Variants in SHC2 observed in about 807,000 individuals in gnomAD.
The protein encoded by SHC2 is SHC adaptor protein 2.
Under a neutral mutation model 60.6 loss-of-function variants are expected in SHC2, and 62 were observed. The observed-to-expected ratio is 1.02, with a 90% CI of 0.83 to 1.26. The LOEUF is 1.26. Ranked by LOEUF, SHC2 falls within the 50% of genes most tolerant of loss-of-function variation. SHC2 has a pLI of 0.00. For synonymous variants in SHC2, 375 were observed against 372.4 expected, an observed-to-expected ratio of 1.01 and a Z score of -0.08; for missense variants, 873 against 822.2, an observed-to-expected ratio of 1.06 and a Z score of -0.76.
Position 460,559 on chromosome 19 carries a change from G to T in SHC2, c.438C>A (p.Val146=). Residue 146 remains valine (V), a synonymous_variant, in exon 1 of 13, where the codon GTC becomes GTA. Transcript: ENST00000264554. ...CGACGTAGGAGACCCCGGGCCCCAG[G>T]ACCCTGGCGTCGGGGTGTAGCCAGC... ...AHGWLHPDAR[V]LGPGVSYVVR... 7.1e-7 allele frequency: 1 copy of T among 1,417,296 alleles called. No homozygotes were observed. Among genetic ancestry groups the T allele is most frequent in the Non-Finnish European group, 9.3e-7 (1 of 1,080,246 alleles). 87.8% of individuals were successfully genotyped at this position (1,417,296 alleles called of 1,614,324 possible).
intron 1 of SHC2, among the ~76,000 whole-genome samples, chr19:442,905 G>T (rs1974930756): frequency 6.8e-6 from 1 of 147,444 alleles, no homozygotes. Flanking sequence ...ATGAATGGAT[G>T]GATGGACGGG....
intron 1 of SHC2, among the ~76,000 whole-genome samples, chr19:459,047 TCTC>T (rs1261606069): frequency 4.6e-5 from 7 of 152,224 alleles, no homozygotes; most frequent in Admixed American, 4.6e-4. Flanking sequence ...TAAAGTTCCT[TCTC>T]CTTACAGAGA....
chr19:430,655 G>A lies in SHC2; in HGVS notation c.1174+29C>T, dbSNP rs780297335. 3.7e-6 allele frequency: 6 copies of A among 1,603,098 alleles called. No homozygotes were observed. The East Asian group carries it at 6.7e-5, about 18-fold the overall frequency. On this transcript the variant is annotated intron_variant, in intron 9 of 12. Coordinates refer to ENST00000264554, the MANE Select transcript of SHC2 (RefSeq NM_012435.3). ...CTGAGGAGCCCCAGAATCCTCGTGG[G>A]TACCCCTTGCAGCCCCAGCCCATCC...
chr19:457,748 C>T (rs1048015964), intron 1 of SHC2, among the ~76,000 whole-genome samples: 2 of 152,276 alleles, frequency 1.3e-5, no homozygotes, highest in African/African-American at 2.4e-5. Flanking sequence ...AATCCCACAT[C>T]CACGGCCAAT....
At chr19:450,239 T>C (rs1377730008) in intron 1 of SHC2, among the ~76,000 whole-genome samples, 1 of 152,246 alleles carries the variant, frequency 6.6e-6, no homozygotes, top group Non-Finnish European at 1.5e-5. Context: ...CCAGGCATCT[T>C]GTGGGGAAAG....
chr19:428,359 AG>A (rs1974472766), intron 9 of SHC2, among the ~76,000 whole-genome samples: 1 of 152,216 alleles, frequency 6.6e-6, no homozygotes, highest in Non-Finnish European at 1.5e-5. Flanking sequence ...GGACCGTTTA[AG>A]GTCACCACAC....
intron 1 of SHC2, among the ~76,000 whole-genome samples, chr19:442,927 G>T (rs1381942611): frequency 7.4e-6 from 1 of 134,310 alleles, no homozygotes; most frequent in African/African-American, 2.8e-5. Context: ...GGGTGGATGG[G>T]TGGATGGATG....
intron 1 of SHC2, among the ~76,000 whole-genome samples, chr19:443,482 A>G (rs1342939292): frequency 5.4e-5 from 6 of 111,378 alleles, no homozygotes; most frequent in South Asian, 3.1e-4. Context: ...GGATGAATGG[A>G]TGGATGGATG....
chr19:435,004 G>A (rs1974684434), intron 7 of SHC2, 139 bp from the exon 8 acceptor site: 1 of 844,718 alleles, frequency 1.2e-6, no homozygotes, highest in Non-Finnish European at 1.8e-6. Context: ...TTCCTACCGG[G>A]AAACGCTTCT....
intron 9 of SHC2, among the ~76,000 whole-genome samples, chr19:429,261 C>A (rs942146340): frequency 9.0e-5 from 13 of 145,222 alleles, no homozygotes; most frequent in Admixed American, 4.2e-4. Context: ...CCAACATGCA[C>A]GGAAACCTCA....
In SHC2 at chr19:445,921, G is replaced by T. The variant is rs1332338708; in HGVS notation, c.469-4989C>A. Among the ~76,000 whole-genome samples the T allele has an allele frequency of 1.3e-5, 2 of 151,876 alleles. No individual in the cohort carries two copies. The highest frequency in any genetic ancestry group is 4.8e-5 in the African/African-American group (2 of 41,338). ...ATAAAAAAATTAGCTGGGCGTGGTG[G>T]TTGCATGCCTGTAATCCCAGCTACT... On this transcript the variant is annotated intron_variant, in intron 1 of 12. Transcript: ENST00000264554. The surrounding 1 kb of genome is among the most constrained non-coding windows in gnomAD (Gnocchi z 4.4).
intron 9 of SHC2, among the ~76,000 whole-genome samples, chr19:428,608 A>G (rs10409912): frequency 0.13 from 19,620 of 152,282 alleles, 1,389 homozygotes; most frequent in Non-Finnish European, 0.15. Context: ...AGCTAGGAAA[A>G]TAACTCAGGA....
rs145866128 is a variant in SHC2, at chr19:450,803, G to A, written c.468+9726C>T. Among the ~76,000 whole-genome samples, 533 of 150,920 alleles carry A rather than the reference G, an allele frequency of 3.5e-3. 6 individuals are homozygous for A. The highest frequency in any genetic ancestry group is 0.012 in the African/African-American group (482 of 40,838). ...CATATTTCAGCATGTGGATGGCCAC[G>A]CCGTGGCCACGTCATATTTCAGTGT... On this transcript the variant is annotated intron_variant, in intron 1 of 12. Transcript: ENST00000264554.
At chr19:427,896 C>G (rs1262830558) in intron 9 of SHC2, among the ~76,000 whole-genome samples, 1 of 141,358 alleles carries the variant, frequency 7.1e-6, no homozygotes, top group Non-Finnish European at 1.5e-5. Flanking sequence ...GAACTGCACA[C>G]GGCGCAGGGA....
intron 1 of SHC2, among the ~76,000 whole-genome samples, chr19:449,459 G>A (rs73489610): frequency 0.044 from 6,635 of 152,252 alleles, 465 homozygotes; most frequent in African/African-American, 0.15. Context: ...ATTTGAATAC[G>A]CACTGAAAAT....
chr19:437,209 T>C (rs1974744235), intron 4 of SHC2, among the ~76,000 whole-genome samples: 1 of 151,184 alleles, frequency 6.6e-6, no homozygotes, highest in Non-Finnish European at 1.5e-5. Context: ...CTTGCTCGTT[T>C]GCGTGGTCAT....
In SHC2 at chr19:453,061, G is replaced by A. The variant is rs1481035854; in HGVS notation, c.468+7468C>T. 6.6e-6 allele frequency: 1 copy of A among 152,206 alleles called. No homozygotes were observed. Among genetic ancestry groups the A allele is most frequent in the Non-Finnish European group, 1.5e-5 (1 of 68,066 alleles). The allele number at this position is 152,206 out of a possible 1,614,324, so 9.4% of individuals were successfully genotyped here. A position where few individuals can be genotyped will look rare whatever the true frequency, so the allele number is the denominator to read the frequency against. Reference sequence around the variant, plus strand: ...CCGGGTCCCAGCGACGTCGGGTGCTGTGGCCACCATTTTGTGACCCTGAAG... The same window carrying A: ...CCGGGTCCCAGCGACGTCGGGTGCTATGGCCACCATTTTGTGACCCTGAAG... On this transcript the variant is annotated intron_variant, in intron 1 of 12. Transcript: ENST00000264554. The surrounding 1 kb of genome is among the most constrained non-coding windows in gnomAD (Gnocchi z 6.3).
chr19:451,110 A>C (rs1341831296), intron 1 of SHC2, among the ~76,000 whole-genome samples: 1 of 122,126 alleles, frequency 8.2e-6, no homozygotes, highest in African/African-American at 3.2e-5. Context: ...TGGCCATACC[A>C]TAGCCACATC....
At chr19:428,326 T>C (rs1032382395) in intron 9 of SHC2, among the ~76,000 whole-genome samples, 1 of 152,182 alleles carries the variant, frequency 6.6e-6, no homozygotes, top group African/African-American at 2.4e-5. Context: ...TGGGACGCGT[T>C]TGTTGAGTCC....
Sources: gnomAD v4.1 joint callset for allele counts (sites outside exome capture counted in the v4.1 genomes callset) on GRCh38, gnomAD v4.1.1 for gene constraint, Gnocchi (gnomAD v3.1) non-coding constraint, MANE v1.5 for transcripts, NCBI Gene and HGNC (gene_info 2026-07-23, HGNC 2026-07-21) for gene names.